RBFOX1: variants seen among roughly 807,000 people sequenced by gnomAD.
The protein encoded by RBFOX1 is RNA binding fox-1 homolog 1.
A neutral mutation model predicts 57.7 loss-of-function variants in RBFOX1; 8 were observed. That is an observed-to-expected ratio of 0.14 (90% CI 0.08 to 0.25). The LOEUF is 0.25. Among genes scored for constraint, RBFOX1 ranks in the 10% least tolerant of loss-of-function variants. RBFOX1 has a pLI of 1.00. For missense variants in RBFOX1, 611 were observed against 548.5 expected (o/e 1.11, Z -1.14); for synonymous variants, 326 against 222.4 (o/e 1.47, Z -4.15).
At chr16:6,628,981 G>T (rs976174140) in intron 2 of RBFOX1, among the ~76,000 whole-genome samples, 2 of 152,178 alleles carry the variant, frequency 1.3e-5, no homozygotes, top group African/African-American at 4.8e-5. Flanking sequence ...AGTGAGCCGA[G>T]ATTGCACCAC....
At chr16:5,422,540 G>C (rs533432867) in intron 1 of RBFOX1, among the ~76,000 whole-genome samples, 2 of 86,302 alleles carry the variant, frequency 2.3e-5, no homozygotes, top group Admixed American at 1.1e-4. Context: ...GGCGCATGAG[G>C]GGGGCAGGGA....
intron 3 of RBFOX1, among the ~76,000 whole-genome samples, chr16:6,753,344 G>A (rs2075269590): frequency 6.6e-6 from 1 of 152,144 alleles, no homozygotes; most frequent in African/African-American, 2.4e-5. Flanking sequence ...TGCAGTATTG[G>A]AAAAATATGG....
chr16:6,380,540 TG>T (rs2091705513), intron 2 of RBFOX1, among the ~76,000 whole-genome samples: 1 of 149,794 alleles, frequency 6.7e-6, no homozygotes, highest in South Asian at 2.1e-4. Flanking sequence ...GTTGAAGTTC[TG>T]GGGGGAAAAT....
chr16:6,576,767 A>G (rs1451001502), intron 2 of RBFOX1: 2 of 152,234 alleles, frequency 1.3e-5, no homozygotes, highest in African/African-American at 2.4e-5. Flanking sequence ...GCTAGATAAA[A>G]GGAAGTTCCC....
chr16:6,060,114 G>C (rs940869228), intron 1 of RBFOX1, among the ~76,000 whole-genome samples: 11 of 109,456 alleles, frequency 1.0e-4, no homozygotes, highest in African/African-American at 3.9e-4. Flanking sequence ...CCTAAAATTA[G>C]GATTAGGGTT....
intron 2 of RBFOX1, 53 bp downstream of exon 2, chr16:6,317,110 A>G (rs1004734868): frequency 1.4e-6 from 2 of 1,446,658 alleles, no homozygotes; most frequent in African/African-American, 1.4e-5. Context: ...CATGTCTTTG[A>G]TCCTGTTCTC....
At chr16:6,527,959 C>T (rs547044588) in intron 2 of RBFOX1, among the ~76,000 whole-genome samples, 5 of 152,130 alleles carry the variant, frequency 3.3e-5, no homozygotes, top group Non-Finnish European at 7.4e-5. Context: ...CATCGCTGAA[C>T]CGTCATTTCC....
chr16:6,590,998 C>T (rs1489178100), intron 2 of RBFOX1, among the ~76,000 whole-genome samples: 4 of 152,136 alleles, frequency 2.6e-5, no homozygotes, highest in African/African-American at 4.8e-5. Context: ...AGGTACATAA[C>T]CTCTCTGAAC....
At chr16:6,732,011 C>G (rs1038143454) in intron 3 of RBFOX1, among the ~76,000 whole-genome samples, 12 of 152,136 alleles carry the variant, frequency 7.9e-5, no homozygotes, top group African/African-American at 2.7e-4. Context: ...TTTAAAGGAT[C>G]TAGGTAAATT....
intron 2 of RBFOX1, among the ~76,000 whole-genome samples, chr16:6,377,034 GGCT>G (rs1448535236): frequency 6.6e-6 from 1 of 151,954 alleles, no homozygotes; most frequent in Non-Finnish European, 1.5e-5. Flanking sequence ...TACTTTGGGA[GGCT>G]GAGGCAGGTG....
intron 2 of RBFOX1, among the ~76,000 whole-genome samples, chr16:6,507,976 A>G (rs12149034): frequency 0.23 from 34,610 of 152,148 alleles, 4,388 homozygotes; most frequent in Non-Finnish European, 0.29. Flanking sequence ...ATGCCCATCA[A>G]TGATAGACTG....
chr16:5,355,373 C>T (rs984547436), intron 1 of RBFOX1, among the ~76,000 whole-genome samples: 5 of 152,094 alleles, frequency 3.3e-5, no homozygotes, highest in African/African-American at 1.2e-4. Flanking sequence ...CTGGAGGACA[C>T]GTGTATGTGC....
chr16:6,368,492 G>A (rs1234022000), intron 2 of RBFOX1, among the ~76,000 whole-genome samples: 1 of 152,160 alleles, frequency 6.6e-6, no homozygotes, highest in Non-Finnish European at 1.5e-5. Flanking sequence ...CCAGTTCTCT[G>A]GGTGTGCACC....
intron 11 of RBFOX1, among the ~76,000 whole-genome samples, chr16:7,653,265 T>G (rs2065481844): frequency 1.3e-5 from 2 of 151,908 alleles, no homozygotes; most frequent in Admixed American, 1.3e-4. Context: ...CTTTGGGAGG[T>G]GGAGACAGGA....
At chr16:6,230,666 G>A (rs1036682883) in intron 1 of RBFOX1, among the ~76,000 whole-genome samples, 7 of 152,122 alleles carry the variant, frequency 4.6e-5, no homozygotes, top group African/African-American at 9.7e-5. Context: ...ATTTCTTCAC[G>A]CATAACAATT....
chr16:5,916,838 C>G (rs2058713995), intron 4 of RBFOX1, among the ~76,000 whole-genome samples: 2 of 152,106 alleles, frequency 1.3e-5, no homozygotes, highest in Admixed American at 1.3e-4. Context: ...ACCACATCCT[C>G]TTAGCCAGGA....
intron 3 of RBFOX1, among the ~76,000 whole-genome samples, chr16:6,969,379 T>A (rs1018498837): frequency 1.8e-4 from 28 of 151,882 alleles, no homozygotes; most frequent in African/African-American, 6.6e-4. Flanking sequence ...CTTAAAAATT[T>A]GGATATTTTG....
intron 1 of RBFOX1, among the ~76,000 whole-genome samples, chr16:6,186,054 TAGG>T (rs1195977460): frequency 6.6e-6 from 1 of 152,218 alleles, no homozygotes; most frequent in Non-Finnish European, 1.5e-5. Context: ...GCAACGGAAG[TAGG>T]AGGATTGTCC....
intron 3 of RBFOX1, among the ~76,000 whole-genome samples, chr16:5,836,716 C>G (rs1242018348): frequency 1.3e-5 from 2 of 152,288 alleles, no homozygotes; most frequent in Admixed American, 6.5e-5. Flanking sequence ...TCAGCAGCAT[C>G]CCTGGCCTCT....
Sources: gnomAD v4.1 joint callset for allele counts (sites outside exome capture counted in the v4.1 genomes callset) on GRCh38, gnomAD v4.1.1 for gene constraint, MANE v1.5 for transcripts, NCBI Gene and HGNC (gene_info 2026-07-23, HGNC 2026-07-21) for gene names.